The following ALK variants were observed in gnomAD, a reference collection of about 807,000 sequenced individuals.
ALK encodes ALK receptor tyrosine kinase, also known as ALK tyrosine kinase receptor.
A neutral mutation model predicts 163.1 loss-of-function variants in ALK; 74 were observed. The ratio of observed to expected loss-of-function variants is 0.45; its 90% CI spans 0.38 to 0.55. ALK has a LOEUF of 0.55. Among genes scored for constraint, ALK ranks in the 20% least tolerant of loss-of-function variants. ALK has a pLI of 0.00. For missense variants in ALK, 2,063 were observed against 2,105.3 expected, an observed-to-expected ratio of 0.98 and a Z score of 0.39; for synonymous variants, 960 against 843.2, an observed-to-expected ratio of 1.14 and a Z score of -2.40.
chr2:29,251,760 G>A, intron 11 of ALK, among the ~76,000 whole-genome samples: 1 of 152,166 alleles, frequency 6.6e-6, no homozygotes, highest in East Asian at 1.9e-4. Flanking sequence ...GCTCCCAAAG[G>A]CTCAGCATTG....
intron 4 of ALK, among the ~76,000 whole-genome samples, chr2:29,450,433 T>C (rs1670792321): frequency 6.6e-6 from 1 of 151,958 alleles, no homozygotes; most frequent in Non-Finnish European, 1.5e-5. Flanking sequence ...CCCTGTAGGG[T>C]TCAGAGAAGT....
At chr2:29,256,523 A>G (rs1664952905) in intron 11 of ALK, among the ~76,000 whole-genome samples, 1 of 152,132 alleles carries the variant, frequency 6.6e-6, no homozygotes, top group African/African-American at 2.4e-5. Context: ...TCTAGCCAGG[A>G]ACTAAATGTA....
chr2:29,729,675 C>G (rs151206078), intron 1 of ALK, among the ~76,000 whole-genome samples: 2 of 152,322 alleles, frequency 1.3e-5, no homozygotes, highest in African/African-American at 2.4e-5. Context: ...TCCAAATCGC[C>G]TGGCTCTAAA....
chr2:29,393,993 C>A (rs749896712), intron 4 of ALK, among the ~76,000 whole-genome samples: 23 of 152,092 alleles, frequency 1.5e-4, no homozygotes, highest in Admixed American at 2.6e-4. Flanking sequence ...AAATTATTTC[C>A]ATTTTAAGGA....
chr2:29,332,169 C>T (rs1049606633), intron 5 of ALK, among the ~76,000 whole-genome samples: 19 of 151,312 alleles, frequency 1.3e-4, no homozygotes, highest in Non-Finnish European at 5.9e-5. Flanking sequence ...GCCTGTAGTC[C>T]CAGCTACTTT....
chr2:29,681,492 G>C (rs894704974), intron 3 of ALK, among the ~76,000 whole-genome samples: 1 of 152,078 alleles, frequency 6.6e-6, no homozygotes. Flanking sequence ...CTTGCTTTGC[G>C]TATGTCAGGT....
At chr2:29,909,383 T>C (rs1170538228) in intron 1 of ALK, among the ~76,000 whole-genome samples, 1 of 151,820 alleles carries the variant, frequency 6.6e-6, no homozygotes, top group African/African-American at 2.4e-5. Flanking sequence ...TCATAGAGAT[T>C]GGTGTCTAGA....
At chr2:29,692,685 T>C (rs752386025) in intron 3 of ALK, among the ~76,000 whole-genome samples, 2 of 152,240 alleles carry the variant, frequency 1.3e-5, no homozygotes, top group African/African-American at 2.4e-5. Context: ...CCTCCAGCTA[T>C]GCATCCCATC....
At chr2:29,714,595 C>G (rs868220294) in intron 2 of ALK, among the ~76,000 whole-genome samples, 15 of 152,136 alleles carry the variant, frequency 9.9e-5, no homozygotes, top group Non-Finnish European at 1.3e-4. Context: ...CTCACTCCCC[C>G]ACCCTGACGA....
chr2:29,249,018 C>G (rs541350123), intron 12 of ALK, among the ~76,000 whole-genome samples: 1 of 152,368 alleles, frequency 6.6e-6, no homozygotes, highest in South Asian at 2.1e-4. Context: ...GAGCACCCAC[C>G]ACGTGTAAGC....
chr2:29,667,717 C>T (rs746598828), intron 3 of ALK, among the ~76,000 whole-genome samples: 1 of 151,922 alleles, frequency 6.6e-6, no homozygotes, highest in African/African-American at 2.4e-5. Context: ...ATTTTTACAT[C>T]TATGTTCATC....
chr2:29,450,185 G>A (rs911852815), intron 4 of ALK, among the ~76,000 whole-genome samples: 2 of 152,064 alleles, frequency 1.3e-5, no homozygotes, highest in South Asian at 4.2e-4. Flanking sequence ...CCCATGCAGC[G>A]AACAATAGAA....
chr2:29,348,475 C>G (rs1668018743), intron 5 of ALK, among the ~76,000 whole-genome samples: 1 of 152,152 alleles, frequency 6.6e-6, no homozygotes, highest in African/African-American at 2.4e-5. Flanking sequence ...GAGAAGCTGG[C>G]CTTGTATCAA....
intron 11 of ALK, among the ~76,000 whole-genome samples, chr2:29,255,283 A>C (rs1160865681): frequency 6.6e-6 from 1 of 152,110 alleles, no homozygotes; most frequent in Non-Finnish European, 1.5e-5. Context: ...CTTTGTTCAT[A>C]CTGTCTGCAA....
intron 3 of ALK, among the ~76,000 whole-genome samples, chr2:29,613,788 G>A (rs530213270): frequency 1.3e-5 from 2 of 152,332 alleles, no homozygotes; most frequent in South Asian, 4.1e-4. Flanking sequence ...ACTGCCAGAT[G>A]TGATTATCAA....
At chr2:29,456,845 C>T (rs1021842358) in intron 4 of ALK, among the ~76,000 whole-genome samples, 2 of 152,252 alleles carry the variant, frequency 1.3e-5, no homozygotes, top group South Asian at 2.1e-4. Flanking sequence ...AGTTGCTCAA[C>T]GTGTACTGGT....
At chr2:29,575,406 C>A (rs944709708) in intron 3 of ALK, among the ~76,000 whole-genome samples, 1 of 152,150 alleles carries the variant, frequency 6.6e-6, no homozygotes, top group African/African-American at 2.4e-5. Context: ...AGGCAGGAGA[C>A]CAATTGATAG....
At chr2:29,797,311 C>T (rs968572940) in intron 1 of ALK, among the ~76,000 whole-genome samples, 3 of 152,170 alleles carry the variant, frequency 2.0e-5, no homozygotes, top group Non-Finnish European at 2.9e-5. Context: ...GCTATTTCCT[C>T]CACCAAAAAT....
At chr2:29,545,848 T>A (rs191138494) in intron 3 of ALK, among the ~76,000 whole-genome samples, 2 of 152,336 alleles carry the variant, frequency 1.3e-5, no homozygotes, top group East Asian at 3.9e-4. Flanking sequence ...TTCTTGATAG[T>A]ATTATTAATC....
Sources: gnomAD v4.1 joint callset for allele counts (sites outside exome capture counted in the v4.1 genomes callset) on GRCh38, gnomAD v4.1.1 for gene constraint, MANE v1.5 for transcripts, NCBI Gene and HGNC (gene_info 2026-07-23, HGNC 2026-07-21) for gene names.